Variants in IGSF9B observed in about 807,000 individuals in gnomAD.
The protein encoded by IGSF9B is protein turtle homolog B.
Under a neutral mutation model 143.7 loss-of-function variants are expected in IGSF9B, and 48 were observed. The ratio of observed to expected loss-of-function variants is 0.33; its 90% CI spans 0.26 to 0.42. The LOEUF (loss-of-function observed/expected upper bound fraction) is 0.42. Among genes scored for constraint, IGSF9B ranks in the 20% least tolerant of loss-of-function variants. The pLI is 1.00. For synonymous variants in IGSF9B, 903 were observed against 833.1 expected (o/e 1.08, Z -1.44); for missense variants, 1,706 against 1,980.0 (o/e 0.86, Z 2.63).
At position 133,922,612 on chromosome 11, in the gene IGSF9B, G is replaced by A. The variant is rs1431814985; in HGVS notation, c.2238C>T (p.Cys746=). The part of the protein sequence containing the change: ...AAILFSTLAA[C]FVNKQRKRKL... Reference sequence around the variant, plus strand: ...TACGCTTGCGCTGCTTGTTGACAAAGCAGGCAGCCAGGGTGCTGAACAGGA... The same window carrying A: ...TACGCTTGCGCTGCTTGTTGACAAAACAGGCAGCCAGGGTGCTGAACAGGA... The change falls in exon 16 of 20, where the codon TGC becomes TGT. Residue 746 remains cysteine (C), a synonymous_variant. Coordinates refer to ENST00000533871, the MANE Select transcript of IGSF9B (RefSeq NM_001277285.4). 6.2e-7 allele frequency: 1 copy of A among 1,609,712 alleles called. No homozygotes were observed. The highest frequency in any genetic ancestry group is 8.5e-7 in the Non-Finnish European group (1 of 1,178,174).
In IGSF9B at chr11:133,946,146, G is replaced by C; in HGVS notation, c.177C>G (p.Val59=). 1 of 1,612,868 alleles carries C rather than the reference G, an allele frequency of 6.2e-7. No homozygotes were observed. Among genetic ancestry groups the C allele is most frequent in the Non-Finnish European group, 8.5e-7 (1 of 1,179,472 alleles). The change falls in exon 2 of 20, where the codon GTC becomes GTG. Residue 59 remains valine (V), a synonymous_variant. Coordinates refer to ENST00000533871, the MANE Select transcript of IGSF9B (RefSeq NM_001277285.4). ...HPVTGQPPPY[V]VEWFKFGVPI... is the part of the protein sequence containing the mutation. ...GGACCCCGAACTTGAACCACTCTAC[G>C]ACATAGGGTGGGGGCTGTCCCGTCA...
chr11:133,929,731 G>A lies in IGSF9B; in HGVS notation c.1571C>T (p.Thr524Ile). The part of the protein sequence containing the change: ...GSVRVQVSMT[T>I]ANVSWEPGYD... ...GCCTGGTTCCCAGGACACGTTGGCA[G>A]TTGTCATGGAGACCTGGACCCGGAC... The change falls in exon 12 of 20, where the codon ACT becomes ATT. Residue 524 changes from threonine to isoleucine, a missense_variant. This residue lies in a region of IGSF9B where 267 missense variants were observed against 321.1 expected (regional missense o/e 0.83). Transcript: ENST00000533871. 1.2e-6 allele frequency: 2 copies of A among 1,613,978 alleles called. No homozygotes were observed. Among genetic ancestry groups the A allele is most frequent in the Non-Finnish European group, 1.7e-6 (2 of 1,179,862 alleles).
chr11:133,942,741 G>C (rs914207598), intron 3 of IGSF9B, among the ~76,000 whole-genome samples: 1 of 152,202 alleles, frequency 6.6e-6, no homozygotes, highest in Admixed American at 6.5e-5. Context: ...TTGGGCTCCT[G>C]TTCCCTGCTC....
At position 133,931,861 on chromosome 11, in the gene IGSF9B, G is replaced by T; in HGVS notation, c.1111-66C>A. On this transcript the variant is annotated intron_variant, in intron 8 of 19. Transcript: ENST00000533871. The surrounding 1 kb of genome is among the most constrained non-coding windows in gnomAD (Gnocchi z 7.7). Reference sequence around the variant, plus strand: ...GACTCCGCGCTCCATCCCAGGCTGGGTCCCAGCTGGGCCAGGCAGCACGCA... The same window carrying T: ...GACTCCGCGCTCCATCCCAGGCTGGTTCCCAGCTGGGCCAGGCAGCACGCA... 6.3e-7 allele frequency: 1 copy of T among 1,584,190 alleles called. No homozygotes were observed. Among genetic ancestry groups the T allele is most frequent in the East Asian group, 2.3e-5 (1 of 44,244 alleles).
chr11:133,912,394 T>C, intron 18 of IGSF9B: 1 of 463,346 alleles, frequency 2.2e-6, no homozygotes, highest in South Asian at 1.5e-5. Context: ...GACCTTTGAA[T>C]GGAAAGTAAA....
intron 1 of IGSF9B, among the ~76,000 whole-genome samples, chr11:133,949,830 C>T (rs903452752): frequency 6.6e-6 from 1 of 152,162 alleles, no homozygotes; most frequent in Non-Finnish European, 1.5e-5. Flanking sequence ...CAGGCTCCCC[C>T]CTCAAAGGGG....
At chr11:133,923,198 G>A (rs7114587) in intron 15 of IGSF9B, among the ~76,000 whole-genome samples, 10,578 of 152,232 alleles carry the variant, frequency 0.069, 1,119 homozygotes, top group African/African-American at 0.23. Flanking sequence ...GCAGCTGCCT[G>A]CTCCCAGTCT....
chr11:133,919,465 G>C (rs891499519), intron 18 of IGSF9B, among the ~76,000 whole-genome samples: 4 of 152,198 alleles, frequency 2.6e-5, no homozygotes, highest in Admixed American at 1.3e-4. Context: ...GTGATCCGCC[G>C]CTCCCTGGTA....
Position 133,920,089 on chromosome 11 carries a change from G to A in IGSF9B, c.3636C>T (p.Arg1212=), listed in dbSNP as rs1591711115. 2 of 1,525,084 alleles carry A rather than the reference G, an allele frequency of 1.3e-6. No individual in the cohort carries two copies. Among genetic ancestry groups the A allele is most frequent in the African/African-American group, 1.4e-5 (1 of 71,846 alleles). The allele number at this position is 1,525,084 out of a possible 1,614,324, so 94.5% of individuals were successfully genotyped here. ...GGGCGGCGAGCTCAGGGGAGCCGGT[G>A]CGGGAGCTGAGGGGGCTTTGGGTCA... ...SPLTQSPLSS[R]TGSPELAARA... The change falls in exon 18 of 20, where the codon CGC becomes CGT. Residue 1212 remains arginine (R), a synonymous_variant. Coordinates refer to ENST00000533871, the MANE Select transcript of IGSF9B (RefSeq NM_001277285.4).
intron 17 of IGSF9B, 27 bp downstream of exon 17, chr11:133,922,150 A>G (rs1383352962): frequency 6.2e-7 from 1 of 1,607,214 alleles, no homozygotes; most frequent in Admixed American, 1.7e-5. Flanking sequence ...TGAACAGCAC[A>G]ATTCTCCCAG....
chr11:133,946,200 C>T lies in IGSF9B; in HGVS notation c.123G>A (p.Val41=). ...EFVTARAGES[V]VLRCDVIHPV... ...GGTGGATCACGTCGCATCGCAGGAC[C>T]ACGCTCTCCCCAGCTCTTGCCGTCA... is the stretch of plus-strand genomic sequence containing the variant. Residue 41 remains valine, a synonymous_variant, in exon 2 of 20, where the codon GTG becomes GTA. Coordinates refer to ENST00000533871, the MANE Select transcript of IGSF9B (RefSeq NM_001277285.4). The T allele has an allele frequency of 6.2e-7, 1 of 1,613,670 alleles. No individual in the cohort carries two copies.
At position 133,911,983 on chromosome 11, in the gene IGSF9B, G is replaced by A. The variant is rs949442266; in HGVS notation, c.4008C>T (p.Asn1336=). ...TSGTLPPAPG[N]AAAPERLEAL... is the part of the protein sequence containing the mutation. ...CCTCCAGCCTCTCAGGCGCAGCAGCGTTCCCGGGTGCAGGTGGAAGTGTTC... is the reference window on the plus strand; with the variant it reads ...CCTCCAGCCTCTCAGGCGCAGCAGCATTCCCGGGTGCAGGTGGAAGTGTTC... Residue 1336 remains asparagine, a synonymous_variant, in exon 19 of 20, where the codon AAC becomes AAT. Transcript: ENST00000533871. The A allele has an allele frequency of 1.5e-5, 23 of 1,532,406 alleles. No homozygotes were observed. The highest frequency in any genetic ancestry group is 5.5e-5 in the African/African-American group (4 of 72,698). The allele number at this position is 1,532,406 out of a possible 1,614,324, so 94.9% of individuals were successfully genotyped here.
rs920757271 is a variant in IGSF9B at position 133,907,729 on chromosome 11, C to T, written c.*1340G>A. Among the ~76,000 whole-genome samples, 3 of 152,176 alleles carry T rather than the reference C, an allele frequency of 2.0e-5. No individual in the cohort carries two copies. The highest frequency in any genetic ancestry group is 3.2e-3 in the Middle Eastern group (1 of 316). On this transcript the variant is annotated 3_prime_UTR_variant, in exon 20 of 20. Coordinates refer to ENST00000533871, the MANE Select transcript of IGSF9B (RefSeq NM_001277285.4). ...CCCAGACCCTACTCACCACCCCTCC[C>T]GCCTTCATTCCTACGCCTCAGCCAC...
At position 133,928,265 on chromosome 11, in the gene IGSF9B, G is replaced by A. The variant is rs374359438; in HGVS notation, c.1632-1174C>T. 4.6e-5 allele frequency among the ~76,000 whole-genome samples: 7 copies of A among 152,150 alleles called. No homozygotes were observed. The highest frequency in any genetic ancestry group is 2.1e-4 in the South Asian group (1 of 4,826). ...CAGCACCGGTCTCCCAGCAGCCACC[G>A]GGCAGGCTGGTTAGGGCCCCCACGC... On this transcript the variant is annotated intron_variant, in intron 12 of 19. Transcript: ENST00000533871. This position sits in a 1 kb window ranked among gnomAD's most constrained non-coding sequence, Gnocchi z 4.7.
At chr11:133,938,585 C>T (rs944609299) in intron 3 of IGSF9B, among the ~76,000 whole-genome samples, 1 of 152,198 alleles carries the variant, frequency 6.6e-6, no homozygotes, top group Non-Finnish European at 1.5e-5. Context: ...GATTAAAACT[C>T]CATCCTGTTT....
At chr11:133,943,988 G>T (rs1378243674) in intron 3 of IGSF9B, among the ~76,000 whole-genome samples, 1 of 152,232 alleles carries the variant, frequency 6.6e-6, no homozygotes, top group African/African-American at 2.4e-5. Context: ...CACCACACAT[G>T]CAGGGAGCTG....
chr11:133,919,780 G>A lies in IGSF9B; in HGVS notation c.3945C>T (p.Leu1315=), dbSNP rs114024983. The A allele has an allele frequency of 2.7e-5, 40 of 1,494,280 alleles. No homozygotes were observed. Among genetic ancestry groups the A allele is most frequent in the Non-Finnish European group, 3.2e-5 (36 of 1,119,746 alleles). The allele number at this position is 1,494,280 out of a possible 1,614,324, so 92.6% of individuals were successfully genotyped here. A position where few individuals can be genotyped will look rare whatever the true frequency, so the allele number is the denominator to read the frequency against. The stretch of plus-strand genomic sequence containing the variant: ...ACGTGGGTGGTGGGGTCTCCGGTCG[G>A]AGCAATTCCTCCCCCGTCCTTCGAG... ...PSPRRTGEEL[L]RPETPPPTLP... The change falls in exon 18 of 20, where the codon CTC becomes CTT. Residue 1315 remains leucine, a synonymous_variant. Coordinates refer to ENST00000533871, the MANE Select transcript of IGSF9B (RefSeq NM_001277285.4).
At chr11:133,933,205 G>T (rs1939765605) in intron 7 of IGSF9B, among the ~76,000 whole-genome samples, 1 of 152,132 alleles carries the variant, frequency 6.6e-6, no homozygotes, top group African/African-American at 2.4e-5. Context: ...GTTGAACGAG[G>T]TCCTCTCAAT....
At chr11:133,930,468 AC>A (rs747948897) in intron 11 of IGSF9B, among the ~76,000 whole-genome samples, 13 of 152,190 alleles carry the variant, frequency 8.5e-5, no homozygotes, top group Non-Finnish European at 1.3e-4. Flanking sequence ...ACCCAGAAGG[AC>A]AGGCTGAGAG....
Sources: gnomAD v4.1 joint callset for allele counts (sites outside exome capture counted in the v4.1 genomes callset) on GRCh38, gnomAD v4.1.1 for gene constraint, gnomAD v4.1.1 regional missense constraint, Gnocchi (gnomAD v3.1) non-coding constraint, MANE v1.5 for transcripts, NCBI Gene and HGNC (gene_info 2026-07-23, HGNC 2026-07-21) for gene names.